NRG1: variants seen among roughly 807,000 people sequenced by gnomAD.
The protein encoded by NRG1 is neuregulin 1, also known as pro-neuregulin-1, membrane-bound isoform.
NRG1 carries 18 observed loss-of-function variants against 63.8 expected under a neutral mutation model. That is an observed-to-expected ratio of 0.28 (90% confidence interval 0.19 to 0.42). NRG1 has a LOEUF of 0.42. Among genes scored for constraint, NRG1 ranks in the 10% least tolerant of loss-of-function variants. The pLI is 1.00. For synonymous variants in NRG1, 302 were observed against 301.3 expected (o/e 1.00, Z -0.02); for missense variants, 762 against 814.7 (o/e 0.94, Z 0.79).
chr8:31,767,588 C>T (rs1007716180), intron 1 of NRG1, among the ~76,000 whole-genome samples: 1 of 151,900 alleles, frequency 6.6e-6, no homozygotes, highest in Non-Finnish European at 1.5e-5. Flanking sequence ...GCCTATAATC[C>T]CAGTACTTTG....
intron 1 of NRG1, among the ~76,000 whole-genome samples, chr8:32,389,242 A>G (rs1811410770): frequency 6.6e-6 from 1 of 152,144 alleles, no homozygotes; most frequent in South Asian, 2.1e-4. Context: ...AATTGTGACG[A>G]TTTTGTAATG....
At chr8:31,979,295 T>C (rs1808693205) in intron 1 of NRG1, among the ~76,000 whole-genome samples, 1 of 152,160 alleles carries the variant, frequency 6.6e-6, no homozygotes, top group Admixed American at 6.6e-5. Context: ...CTAAATGGCA[T>C]TTTCTAACCA....
chr8:32,174,960 A>G (rs1840534047), intron 1 of NRG1, among the ~76,000 whole-genome samples: 1 of 152,232 alleles, frequency 6.6e-6, no homozygotes, highest in South Asian at 2.1e-4. Flanking sequence ...AAAAAGAGGA[A>G]ATCCTCCCTA....
intron 1 of NRG1, among the ~76,000 whole-genome samples, chr8:32,181,058 A>G (rs1841382562): frequency 6.6e-6 from 1 of 152,166 alleles, no homozygotes; most frequent in Non-Finnish European, 1.5e-5. Context: ...TGTTCATATT[A>G]CTGTGGTTTT....
intron 1 of NRG1, among the ~76,000 whole-genome samples, chr8:32,078,332 C>T (rs956944423): frequency 6.6e-6 from 1 of 152,206 alleles, no homozygotes; most frequent in Non-Finnish European, 1.5e-5. Flanking sequence ...TCCTCCTTCA[C>T]CTTCCAGCAT....
chr8:32,467,553 A>G (rs1156419790), intron 1 of NRG1, among the ~76,000 whole-genome samples: 2 of 152,252 alleles, frequency 1.3e-5, no homozygotes, highest in Non-Finnish European at 2.9e-5. Context: ...ATAGAGCTTA[A>G]TTCATAGAAA....
intron 6 of NRG1, among the ~76,000 whole-genome samples, chr8:32,740,983 G>A (rs1203480830): frequency 6.6e-6 from 1 of 152,100 alleles, no homozygotes; most frequent in Non-Finnish European, 1.5e-5. Context: ...GATGGATGTT[G>A]AGGATTCAAA....
At chr8:32,145,740 T>C (rs1160403518) in intron 1 of NRG1, among the ~76,000 whole-genome samples, 2 of 152,240 alleles carry the variant, frequency 1.3e-5, no homozygotes, top group Non-Finnish European at 1.5e-5. Context: ...AGCCTGCCTC[T>C]CTGTAAATGG....
intron 1 of NRG1, among the ~76,000 whole-genome samples, chr8:32,008,952 C>G (rs1814264423): frequency 6.6e-6 from 1 of 152,020 alleles, no homozygotes; most frequent in Non-Finnish European, 1.5e-5. Flanking sequence ...CAGGTATATC[C>G]ACATATATCC....
At chr8:32,726,061 A>G (rs1822098370) in intron 5 of NRG1, among the ~76,000 whole-genome samples, 1 of 152,150 alleles carries the variant, frequency 6.6e-6, no homozygotes, top group Non-Finnish European at 1.5e-5. Context: ...AAGCCTGGAA[A>G]AGATGCCTTG....
chr8:31,927,636 G>A (rs1834485473), intron 1 of NRG1, among the ~76,000 whole-genome samples: 1 of 148,718 alleles, frequency 6.7e-6, no homozygotes, highest in African/African-American at 2.5e-5. Context: ...TTTTAGTAGA[G>A]ACGGGGTTTC....
intron 1 of NRG1, among the ~76,000 whole-genome samples, chr8:32,487,117 T>G (rs76149049): frequency 0.013 from 1,909 of 149,862 alleles, 45 homozygotes; most frequent in African/African-American, 0.044. Flanking sequence ...AAGCAAAATC[T>G]CATCTTTTAA....
At chr8:32,524,827 T>G (rs1020177088) in intron 1 of NRG1, among the ~76,000 whole-genome samples, 2 of 152,240 alleles carry the variant, frequency 1.3e-5, no homozygotes, top group Non-Finnish European at 2.9e-5. Flanking sequence ...CTTATCATCA[T>G]AAACCTAGGC....
intron 1 of NRG1, among the ~76,000 whole-genome samples, chr8:32,023,873 G>C (rs918698004): frequency 1.3e-5 from 2 of 152,140 alleles, no homozygotes; most frequent in African/African-American, 4.8e-5. Context: ...CTGTGAGAGA[G>C]TGACCTTGCA....
At chr8:32,610,504 T>C (rs1476730295) in intron 3 of NRG1, among the ~76,000 whole-genome samples, 1 of 152,178 alleles carries the variant, frequency 6.6e-6, no homozygotes, top group African/African-American at 2.4e-5. Context: ...TTTAGATCTA[T>C]CTGGATTAGT....
At chr8:31,882,733 A>G (rs1830447010) in intron 1 of NRG1, among the ~76,000 whole-genome samples, 1 of 152,152 alleles carries the variant, frequency 6.6e-6, no homozygotes, top group South Asian at 2.1e-4. Context: ...GAGGAGTTCA[A>G]GACTTCAGTG....
intron 6 of NRG1, among the ~76,000 whole-genome samples, chr8:32,740,180 G>A: frequency 7.0e-6 from 1 of 143,082 alleles, no homozygotes; most frequent in African/African-American, 2.6e-5. Flanking sequence ...TTTGAGAAAT[G>A]ACCCAACCTC....
chr8:32,672,518 A>G (rs1319099577), intron 5 of NRG1, among the ~76,000 whole-genome samples: 1 of 152,210 alleles, frequency 6.6e-6, no homozygotes, highest in Non-Finnish European at 1.5e-5. Context: ...GTTACTATTT[A>G]TAACAGCACA....
chr8:32,010,426 T>C (rs1814561705), intron 1 of NRG1, among the ~76,000 whole-genome samples: 2 of 152,074 alleles, frequency 1.3e-5, no homozygotes. Flanking sequence ...TTTTCTTATA[T>C]CTAGAAATAG....
Sources: gnomAD v4.1 joint callset for allele counts (sites outside exome capture counted in the v4.1 genomes callset) on GRCh38, gnomAD v4.1.1 for gene constraint, MANE v1.5 for transcripts, NCBI Gene and HGNC (gene_info 2026-07-23, HGNC 2026-07-21) for gene names.